KIF17: variants seen among roughly 807,000 people sequenced by gnomAD.
KIF17 encodes the protein kinesin-like protein KIF17.
A neutral mutation model predicts 96.8 loss-of-function variants in KIF17; 80 were observed. That is an observed-to-expected ratio of 0.83 (90% CI 0.69 to 1.00). KIF17 has a LOEUF of 1.00. Ranked by LOEUF, KIF17 falls within the 50% of genes least tolerant of loss-of-function variation. The pLI, the probability that KIF17 is intolerant of heterozygous loss-of-function variation, is 0.00. For synonymous variants in KIF17, 567 were observed against 587.5 expected, an observed-to-expected ratio of 0.97 and a Z score of 0.51; for missense variants, 1,280 against 1,372.9, an observed-to-expected ratio of 0.93 and a Z score of 1.07.
In KIF17 at chr1:20,700,613, G is replaced by T. The variant is rs2054217077; in HGVS notation, c.1124-2125C>A. 6.6e-6 allele frequency among the ~76,000 whole-genome samples: 1 copy of T among 152,184 alleles called. No individual in the cohort carries two copies. The highest frequency in any genetic ancestry group is 2.4e-5 in the African/African-American group (1 of 41,428). On this transcript the variant is annotated intron_variant, in intron 5 of 14. Coordinates refer to ENST00000400463, the MANE Select transcript of KIF17 (RefSeq NM_001122819.3). The surrounding 1 kb of genome is among the most constrained non-coding windows in gnomAD (Gnocchi z 4.6). ...TACAGATTCAAGTCCGGAATTCAGA[G>T]GACATGGTATAGTATGTTTTACTTC...
intron 12 of KIF17, among the ~76,000 whole-genome samples, chr1:20,671,250 C>A (rs1272144034): frequency 6.6e-6 from 1 of 152,210 alleles, no homozygotes; most frequent in Non-Finnish European, 1.5e-5. Flanking sequence ...ATTAGGATAA[C>A]AATGACATGC....
At position 20,717,829 on chromosome 1, in the gene KIF17, G is replaced by A. The variant is rs1159935893; in HGVS notation, c.-123C>T. On this transcript the variant is annotated 5_prime_UTR_variant, in exon 1 of 15. Coordinates refer to ENST00000400463, the MANE Select transcript of KIF17 (RefSeq NM_001122819.3). ...GGGGGCGGGGCCTTGAGGCAGGGGC[G>A]GGGCCGCGGCGGGGGGCGGGGACCC... 3.9e-6 allele frequency: 4 copies of A among 1,016,290 alleles called. No homozygotes were observed. The highest frequency in any genetic ancestry group is 4.9e-6 in the Non-Finnish European group (4 of 811,682). 63.0% of individuals were successfully genotyped at this position (1,016,290 alleles called of 1,614,324 possible).
At chr1:20,703,408 A>AGATG (rs1293722237) in intron 5 of KIF17, among the ~76,000 whole-genome samples, 2 of 151,542 alleles carry the variant, frequency 1.3e-5, no homozygotes, top group Admixed American at 1.3e-4. Context: ...GTGGCTGTGT[A>AGATG]GATGGATGGA....
At position 20,712,876 on chromosome 1, in the gene KIF17, CTA is replaced by C. The variant is rs1328688846; in HGVS notation, c.480+576_480+577del. Among the ~76,000 whole-genome samples, 2 of 66,018 alleles carry C rather than the reference CTA, an allele frequency of 3.0e-5. 1 individual carries two copies. The highest frequency in any genetic ancestry group is 9.0e-4 in the South Asian group (2 of 2,218). 43.3% of individuals were successfully genotyped at this position (66,018 alleles called of 152,430 possible). The stretch of plus-strand genomic sequence containing the variant: ...ATATTATCTATATTATAGATATTAT[CTA>C]TATATAATATAGATAATATTATCTA... On this transcript the variant is annotated intron_variant, in intron 3 of 14. Coordinates refer to ENST00000400463, the MANE Select transcript of KIF17 (RefSeq NM_001122819.3).
At position 20,704,174 on chromosome 1, in the gene KIF17, G is replaced by A. The variant is rs2054297198; in HGVS notation, c.1123+273C>T. 6.6e-6 allele frequency among the ~76,000 whole-genome samples: 1 copy of A among 151,306 alleles called. No individual in the cohort carries two copies. The highest frequency in any genetic ancestry group is 6.6e-5 in the Admixed American group (1 of 15,146). ...GGTGGGGGGTGTGGTGGGGGTGGGGGGGATAATGGATGAGCAGATGAGAGG... is the reference window on the plus strand; with the variant it reads ...GGTGGGGGGTGTGGTGGGGGTGGGGAGGATAATGGATGAGCAGATGAGAGG... On this transcript the variant is annotated intron_variant, in intron 5 of 14. Transcript: ENST00000400463. The surrounding 1 kb of genome is among the most constrained non-coding windows in gnomAD (Gnocchi z 6.8).
At chr1:20,681,557 G>T (rs1267382360) in intron 11 of KIF17, among the ~76,000 whole-genome samples, 1 of 152,134 alleles carries the variant, frequency 6.6e-6, no homozygotes, top group East Asian at 1.9e-4. Context: ...GGGGCGAGGG[G>T]GTGGGGAGGA....
Position 20,709,300 on chromosome 1 carries a change from G to C in KIF17, c.670+339C>G, listed in dbSNP as rs1170479593. On this transcript the variant is annotated intron_variant, in intron 4 of 14. Transcript: ENST00000400463. The surrounding 1 kb of genome is among the most constrained non-coding windows in gnomAD (Gnocchi z 4.7). Reference sequence around the variant, plus strand: ...GGAGGCTGAGGTGGGAGGCTCGCCCGAGCCTGGGAGGCAGAGGTTGCAGTG... The same window carrying C: ...GGAGGCTGAGGTGGGAGGCTCGCCCCAGCCTGGGAGGCAGAGGTTGCAGTG... Among the ~76,000 whole-genome samples the C allele has an allele frequency of 1.3e-5, 2 of 152,136 alleles. No individual in the cohort carries two copies. Among genetic ancestry groups the C allele is most frequent in the Non-Finnish European group, 2.9e-5 (2 of 68,040 alleles).
At chr1:20,686,422 A>C (rs1401464077) in intron 8 of KIF17, 3 of 520,014 alleles carry the variant, frequency 5.8e-6, no homozygotes, top group Non-Finnish European at 1.0e-5. Context: ...CCCAGCCCAG[A>C]AAGGTCACAC....
In KIF17 at chr1:20,704,816, C is replaced by T; in HGVS notation, c.754G>A (p.Ala252Thr). 5 of 1,607,586 alleles carry T rather than the reference C, an allele frequency of 3.1e-6. No homozygotes were observed. Among genetic ancestry groups the T allele is most frequent in the Non-Finnish European group, 4.2e-6 (5 of 1,179,842 alleles). The change falls in exon 5 of 15, where the codon GCC (alanine) becomes ACC (threonine). Residue 252 changes from alanine to threonine, a missense_variant. Ala to Thr is a moderately conservative substitution (Grantham distance 58). Coordinates refer to ENST00000400463, the MANE Select transcript of KIF17 (RefSeq NM_001122819.3). This position sits in a 1 kb window ranked among gnomAD's most constrained non-coding sequence, Gnocchi z 6.8. ...AGSERQSKTG[A>T]TGERLKEATK... ...GCCTCCTTGAGCCGCTCGCCCGTGGCCCCGGTCTTGGACTGCCGCTCGCTG... is the reference window on the plus strand; with the variant it reads ...GCCTCCTTGAGCCGCTCGCCCGTGGTCCCGGTCTTGGACTGCCGCTCGCTG...
intron 5 of KIF17, among the ~76,000 whole-genome samples, chr1:20,701,158 G>T (rs886615743): frequency 6.6e-6 from 1 of 152,230 alleles, no homozygotes; most frequent in Non-Finnish European, 1.5e-5. Flanking sequence ...ACGAGGCCAG[G>T]CGAGGTGGCT....
chr1:20,684,689 G>A (rs2296223), intron 10 of KIF17, 120 bp downstream of exon 10: 66,993 of 1,020,942 alleles, frequency 0.066, 3,765 homozygotes, highest in East Asian at 0.3. Context: ...GATCAGGGCC[G>A]CCCTGCCAAG....
chr1:20,710,340 C>T (rs1027273920), intron 3 of KIF17, among the ~76,000 whole-genome samples: 1 of 152,138 alleles, frequency 6.6e-6, no homozygotes, highest in African/African-American at 2.4e-5. Flanking sequence ...TCCCCTCTGC[C>T]GTGGCTCTAG....
At chr1:20,682,349 C>T (rs1207059315) in intron 11 of KIF17, among the ~76,000 whole-genome samples, 1 of 152,054 alleles carries the variant, frequency 6.6e-6, no homozygotes, top group Admixed American at 6.6e-5. Flanking sequence ...ATGGTGAGAC[C>T]CTGCCTGTCC....
intron 7 of KIF17, 61 bp downstream of exon 7, chr1:20,690,127 A>C (rs946254594): frequency 3.2e-5 from 50 of 1,577,398 alleles, no homozygotes; most frequent in Non-Finnish European, 4.2e-5. Context: ...CAGTTACTGC[A>C]GTGAGGCGGA....
intron 12 of KIF17, among the ~76,000 whole-genome samples, chr1:20,671,679 G>A (rs538926986): frequency 3.9e-5 from 6 of 152,172 alleles, no homozygotes; most frequent in Non-Finnish European, 5.9e-5. Context: ...GAAAGGTGCT[G>A]TTATTCATCC....
At chr1:20,708,051 C>G (rs2054374563) in intron 4 of KIF17, among the ~76,000 whole-genome samples, 1 of 151,916 alleles carries the variant, frequency 6.6e-6, no homozygotes, top group South Asian at 2.1e-4. Flanking sequence ...TGCAACCAGC[C>G]TGCCTCATCC....
In KIF17 at chr1:20,698,233, C is replaced by T. The variant is rs571988076; in HGVS notation, c.1233+146G>A. On this transcript the variant is annotated intron_variant, in intron 6 of 14. Coordinates refer to ENST00000400463, the MANE Select transcript of KIF17 (RefSeq NM_001122819.3). ...CTGTGTGACCTTGGGCAAGTCCTGG[C>T]ATCTCTTTGAGCTTCAGCTTTCTCA... 3.4e-4 allele frequency: 236 copies of T among 686,482 alleles called. 2 individuals carry two copies. Among genetic ancestry groups the T allele is most frequent in the Admixed American group, 1.3e-3 (64 of 49,416 alleles). 42.5% of individuals were successfully genotyped at this position (686,482 alleles called of 1,614,324 possible). A position where few individuals can be genotyped will look rare whatever the true frequency, so the allele number is the denominator to read the frequency against.
At position 20,685,901 on chromosome 1, in the gene KIF17, C is replaced by T. The variant is rs2053928878; in HGVS notation, c.2019+145G>A. ...CCACTGCACACTGCCTGGCCACGGG[C>T]CACAAGCCCGGGGAAGGCTGGAGTT... On this transcript the variant is annotated intron_variant, in intron 9 of 14. Coordinates refer to ENST00000400463, the MANE Select transcript of KIF17 (RefSeq NM_001122819.3). The surrounding 1 kb of genome is among the most constrained non-coding windows in gnomAD (Gnocchi z 4.1). 1 of 730,868 alleles carries T rather than the reference C, an allele frequency of 1.4e-6. No individual in the cohort carries two copies. The allele number at this position is 730,868 out of a possible 1,614,324, so 45.3% of individuals were successfully genotyped here. A position where few individuals can be genotyped will look rare whatever the true frequency, so the allele number is the denominator to read the frequency against.
In KIF17 at chr1:20,666,439, C is replaced by T. The variant is rs1557579132; in HGVS notation, c.2791-108G>A. 3 of 918,326 alleles carry T rather than the reference C, an allele frequency of 3.3e-6. No homozygotes were observed. In the Admixed American group the frequency reaches 5.1e-5, roughly 16 times the overall value. 56.9% of individuals were successfully genotyped at this position (918,326 alleles called of 1,614,324 possible). A position where few individuals can be genotyped will look rare whatever the true frequency, so the allele number is the denominator to read the frequency against. On this transcript the variant is annotated intron_variant, in intron 13 of 14. Transcript: ENST00000400463. ...CAGTGGGGGCCGCCCCGAGCTTCCC[C>T]GAAGTTGTCACAGGGCTGGAGCAGG...
Sources: allele counts gnomAD v4.1 joint callset (sites outside exome capture counted in the v4.1 genomes callset), GRCh38; gene constraint gnomAD v4.1.1; non-coding constraint Gnocchi (gnomAD v3.1); transcripts MANE v1.5; gene names NCBI Gene and HGNC (gene_info 2026-07-23, HGNC 2026-07-21).